DPP10: variants seen among roughly 807,000 people sequenced by gnomAD.
DPP10 encodes dipeptidyl peptidase like 10, also known as inactive dipeptidyl peptidase 10.
A neutral mutation model predicts 120.9 loss-of-function variants in DPP10; 33 were observed. The ratio of observed to expected loss-of-function variants is 0.27; its 90% CI spans 0.21 to 0.37. DPP10 has a LOEUF of 0.37. Ranked by LOEUF, DPP10 falls within the 10% of genes least tolerant of loss-of-function variation. The pLI is 1.00. For synonymous variants in DPP10, 337 were observed against 326.1 expected (o/e 1.03, Z -0.36); for missense variants, 816 against 942.8 (o/e 0.87, Z 1.76).
chr2:114,839,939 C>G (rs1383874417), intron 1 of DPP10, among the ~76,000 whole-genome samples: 1 of 152,022 alleles, frequency 6.6e-6, no homozygotes, highest in Non-Finnish European at 1.5e-5. Context: ...AAGAATCTGG[C>G]AATTTTATGC....
intron 1 of DPP10, among the ~76,000 whole-genome samples, chr2:115,269,913 A>G (rs1210759799): frequency 1.3e-5 from 2 of 152,028 alleles, no homozygotes; most frequent in African/African-American, 4.8e-5. Context: ...TTTGATCTTG[A>G]GGTTGTAAAG....
chr2:115,463,553 C>A (rs947723360), intron 3 of DPP10, among the ~76,000 whole-genome samples: 1 of 152,042 alleles, frequency 6.6e-6, no homozygotes, highest in Admixed American at 6.6e-5. Flanking sequence ...GTAGTGATGC[C>A]ATAAAATTGT....
intron 1 of DPP10, among the ~76,000 whole-genome samples, chr2:114,827,392 G>A (rs1686651644): frequency 6.6e-6 from 1 of 152,084 alleles, no homozygotes; most frequent in Admixed American, 6.5e-5. Context: ...ATACTGGTTT[G>A]TCTATAGATC....
At chr2:114,858,267 G>A (rs909871887) in intron 1 of DPP10, among the ~76,000 whole-genome samples, 2 of 152,184 alleles carry the variant, frequency 1.3e-5, no homozygotes. Context: ...GGGATTACAG[G>A]CATGAACCAC....
At chr2:114,831,801 T>G (rs1687147397) in intron 1 of DPP10, among the ~76,000 whole-genome samples, 1 of 150,450 alleles carries the variant, frequency 6.6e-6, no homozygotes, top group African/African-American at 2.4e-5. Context: ...TAAAAAAGAC[T>G]GGTTATGTGT....
intron 1 of DPP10, among the ~76,000 whole-genome samples, chr2:114,469,857 C>G (rs970936373): frequency 1.6e-4 from 25 of 152,302 alleles, no homozygotes; most frequent in Admixed American, 7.2e-4. Context: ...GCTAGCTGCA[C>G]AGAGCAGAGG....
chr2:114,553,901 G>T (rs555032584), intron 1 of DPP10, among the ~76,000 whole-genome samples: 6 of 152,174 alleles, frequency 3.9e-5, no homozygotes, highest in African/African-American at 1.2e-4. Context: ...AAATATCAGC[G>T]CAATAGATCA....
At chr2:114,529,180 G>A (rs1025700651) in intron 1 of DPP10, among the ~76,000 whole-genome samples, 12 of 151,998 alleles carry the variant, frequency 7.9e-5, no homozygotes, top group Admixed American at 4.6e-4. Flanking sequence ...GATGTGGTGC[G>A]CCAATGGCTG....
chr2:115,629,622 G>T (rs1404037174), intron 5 of DPP10, among the ~76,000 whole-genome samples: 1 of 152,150 alleles, frequency 6.6e-6, no homozygotes, highest in East Asian at 1.9e-4. Context: ...CTTTTGAGAC[G>T]TGTCTGTTCA....
chr2:115,106,846 C>A (rs1013098971), intron 1 of DPP10, among the ~76,000 whole-genome samples: 1 of 152,030 alleles, frequency 6.6e-6, no homozygotes, highest in African/African-American at 2.4e-5. Context: ...GAGGCCGAGG[C>A]GGGTGGATCA....
intron 1 of DPP10, among the ~76,000 whole-genome samples, chr2:115,213,388 G>A (rs1467717693): frequency 1.3e-5 from 2 of 152,102 alleles, no homozygotes; most frequent in African/African-American, 4.8e-5. Flanking sequence ...TTTGCCCCAT[G>A]TCACCCATCC....
intron 1 of DPP10, among the ~76,000 whole-genome samples, chr2:115,001,485 G>A (rs1385681536): frequency 2.0e-5 from 3 of 152,014 alleles, no homozygotes; most frequent in East Asian, 1.9e-4. Flanking sequence ...TGAGAACCAC[G>A]AGACAACAAA....
At chr2:114,452,807 T>C (rs1678362819) in intron 1 of DPP10, among the ~76,000 whole-genome samples, 1 of 152,170 alleles carries the variant, frequency 6.6e-6, no homozygotes, top group African/African-American at 2.4e-5. Flanking sequence ...ACCCAGCCTC[T>C]TTGTGTCTTT....
At chr2:115,122,988 T>C (rs1400373776) in intron 1 of DPP10, among the ~76,000 whole-genome samples, 1 of 152,186 alleles carries the variant, frequency 6.6e-6, no homozygotes, top group African/African-American at 2.4e-5. Flanking sequence ...AAAGAATCCA[T>C]GTACAGGGGT....
intron 1 of DPP10, among the ~76,000 whole-genome samples, chr2:114,486,151 TG>T (rs1453435865): frequency 6.6e-6 from 1 of 152,132 alleles, no homozygotes; most frequent in Non-Finnish European, 1.5e-5. Flanking sequence ...GCTGTAGTAC[TG>T]CCATCCTGTG....
At chr2:114,870,337 C>T (rs951667608) in intron 1 of DPP10, among the ~76,000 whole-genome samples, 1 of 152,028 alleles carries the variant, frequency 6.6e-6, no homozygotes, top group African/African-American at 2.4e-5. Context: ...ACATTGAATA[C>T]ATATTTGACC....
chr2:115,287,774 A>G (rs2060464029), intron 1 of DPP10, among the ~76,000 whole-genome samples: 1 of 152,142 alleles, frequency 6.6e-6, no homozygotes. Context: ...AAAATAAACT[A>G]AAATACCTAG....
chr2:115,044,039 TACAG>T (rs1016206253), intron 1 of DPP10, among the ~76,000 whole-genome samples: 1 of 152,222 alleles, frequency 6.6e-6, no homozygotes, highest in Non-Finnish European at 1.5e-5. Context: ...TTCTTTGTGT[TACAG>T]ACATTCAATT....
At chr2:114,536,626 C>T (rs1185498453) in intron 1 of DPP10, among the ~76,000 whole-genome samples, 1 of 151,934 alleles carries the variant, frequency 6.6e-6, no homozygotes, top group Non-Finnish European at 1.5e-5. Context: ...AGGATGGTCT[C>T]GATCTCCTGA....
Sources: gnomAD v4.1 joint callset for allele counts (sites outside exome capture counted in the v4.1 genomes callset) on GRCh38, gnomAD v4.1.1 for gene constraint, MANE v1.5 for transcripts, NCBI Gene and HGNC (gene_info 2026-07-23, HGNC 2026-07-21) for gene names.